PDE4B: variants seen among roughly 807,000 people sequenced by gnomAD.
PDE4B encodes the protein 3',5'-cyclic-AMP phosphodiesterase 4B.
Under a neutral mutation model 82.2 loss-of-function variants are expected in PDE4B, and 20 were observed. The ratio of observed to expected loss-of-function variants is 0.24; its 90% CI spans 0.17 to 0.35. The LOEUF (loss-of-function observed/expected upper bound fraction) is 0.35, where lower values mean the gene tolerates loss of function less well. Among genes scored for constraint, PDE4B ranks in the 10% least tolerant of loss-of-function variants. The pLI, the probability that PDE4B is intolerant of heterozygous loss-of-function variation, is 1.00. For missense variants in PDE4B, 655 were observed against 907.2 expected (o/e 0.72, Z 3.57); for synonymous variants, 320 against 318.9 (o/e 1.00, Z -0.04).
chr1:66,331,008 T>C (rs553162902), intron 7 of PDE4B, among the ~76,000 whole-genome samples: 5 of 152,332 alleles, frequency 3.3e-5, no homozygotes, highest in South Asian at 2.1e-4. Context: ...TATCTTGAAG[T>C]GTATGAATAT....
chr1:65,927,481 A>C (rs1349752995), intron 3 of PDE4B, among the ~76,000 whole-genome samples: 1 of 147,698 alleles, frequency 6.8e-6, no homozygotes, highest in Admixed American at 6.8e-5. Context: ...ATATGTAAAT[A>C]TATATAATAT....
intron 3 of PDE4B, among the ~76,000 whole-genome samples, chr1:65,920,033 C>T (rs1431894515): frequency 6.6e-6 from 1 of 152,182 alleles, no homozygotes; most frequent in African/African-American, 2.4e-5. Flanking sequence ...ATATAAGAGT[C>T]ATAGCCAATC....
intron 3 of PDE4B, among the ~76,000 whole-genome samples, chr1:66,185,610 C>T (rs59076622): frequency 6.6e-6 from 1 of 152,146 alleles, no homozygotes; most frequent in Admixed American, 6.5e-5. Flanking sequence ...AGCATTTTTT[C>T]ATGTGTTTTT....
intron 1 of PDE4B, among the ~76,000 whole-genome samples, chr1:65,885,551 G>A (rs1380035176): frequency 6.6e-5 from 10 of 152,060 alleles, no homozygotes; most frequent in Admixed American, 3.3e-4. Flanking sequence ...ATGAGTTCAC[G>A]TCCTTTGTAG....
Position 66,331,981 on chromosome 1 carries a change from C to T in PDE4B, c.635-527C>T, listed in dbSNP as rs985870955. ...ACACAATCCTCAGGATGAATGACTG[C>T]CTAGACTTTGAACGTAATGGTCAAC... On this transcript the variant is annotated intron_variant, in intron 7 of 16. Transcript: ENST00000341517. 12 of 1,023,834 alleles carry T rather than the reference C, an allele frequency of 1.2e-5. No individual in the cohort carries two copies. In the Admixed American group the frequency reaches 2.1e-4, roughly 18 times the overall value. The allele number at this position is 1,023,834 out of a possible 1,614,324, so 63.4% of individuals were successfully genotyped here. A position where few individuals can be genotyped will look rare whatever the true frequency, so the allele number is the denominator to read the frequency against.
At chr1:65,883,662 T>G (rs1436393917) in intron 1 of PDE4B, among the ~76,000 whole-genome samples, 1 of 152,174 alleles carries the variant, frequency 6.6e-6, no homozygotes, top group African/African-American at 2.4e-5. Context: ...TTCTCCTGCC[T>G]AATTGCCCTG....
At chr1:66,265,826 C>T (rs963693329) in intron 6 of PDE4B, among the ~76,000 whole-genome samples, 2 of 152,138 alleles carry the variant, frequency 1.3e-5, no homozygotes, top group African/African-American at 4.8e-5. Context: ...ATCCTGAGGA[C>T]TTGCAGAGGG....
chr1:66,172,634 A>G (rs1047818902), intron 3 of PDE4B, among the ~76,000 whole-genome samples: 2 of 152,174 alleles, frequency 1.3e-5, no homozygotes, highest in Non-Finnish European at 2.9e-5. Context: ...TGTGTTGATG[A>G]TAGTAATTCT....
At chr1:65,818,866 A>G (rs1645917892) in intron 1 of PDE4B, among the ~76,000 whole-genome samples, 1 of 152,174 alleles carries the variant, frequency 6.6e-6, no homozygotes, top group Admixed American at 6.5e-5. Flanking sequence ...CATAAGCTCA[A>G]CAAAGTCAGG....
At chr1:66,204,937 G>A (rs71649217) in intron 3 of PDE4B, among the ~76,000 whole-genome samples, 4,280 of 152,286 alleles carry the variant, frequency 0.028, 102 homozygotes, top group South Asian at 0.086. Context: ...CTTCTGTGTC[G>A]CTCATGCTGG....
chr1:66,331,954 G>GT lies in PDE4B; in HGVS notation c.635-554_635-553insT, dbSNP rs1353298173. On this transcript the variant is annotated intron_variant, in intron 7 of 16. Coordinates refer to ENST00000341517, the MANE Select transcript of PDE4B (RefSeq NM_002600.4). ...GCTGAATTAGAAGTTATTCCAACAT[G>GT]AACACAATCCTCAGGATGAATGACT... 4.0e-6 allele frequency: 4 copies of GT among 1,002,356 alleles called. No homozygotes were observed. The African/African-American group carries it at 7.0e-5, about 17-fold the overall frequency. 62.1% of individuals were successfully genotyped at this position (1,002,356 alleles called of 1,614,324 possible). A position where few individuals can be genotyped will look rare whatever the true frequency, so the allele number is the denominator to read the frequency against.
intron 3 of PDE4B, among the ~76,000 whole-genome samples, chr1:66,072,827 G>A (rs751903094): frequency 6.6e-6 from 1 of 151,966 alleles, no homozygotes; most frequent in African/African-American, 2.4e-5. Flanking sequence ...GATCAAAGTG[G>A]AACAAATAGA....
In PDE4B at chr1:66,290,422, T is replaced by C. The variant is rs114792735; in HGVS notation, c.634+24335T>C. Among the ~76,000 whole-genome samples, 704 of 152,318 alleles carry C rather than the reference T, an allele frequency of 4.6e-3. 6 individuals carry two copies. The highest frequency in any genetic ancestry group is 0.016 in the African/African-American group (670 of 41,574). ...CTTATGAGTAGGTTTGTACGTACACTGTATCAAAACTGAGAGAGTCTCATC... is the reference window on the plus strand; with the variant it reads ...CTTATGAGTAGGTTTGTACGTACACCGTATCAAAACTGAGAGAGTCTCATC... On this transcript the variant is annotated intron_variant, in intron 7 of 16. Coordinates refer to ENST00000341517, the MANE Select transcript of PDE4B (RefSeq NM_002600.4).
intron 2 of PDE4B, among the ~76,000 whole-genome samples, chr1:65,914,029 T>C (rs1163592577): frequency 6.6e-6 from 1 of 152,240 alleles, no homozygotes; most frequent in Non-Finnish European, 1.5e-5. Context: ...TTGCTTTCAA[T>C]TGACCAATCC....
At chr1:66,168,626 C>G (rs764790021) in intron 3 of PDE4B, among the ~76,000 whole-genome samples, 1 of 152,092 alleles carries the variant, frequency 6.6e-6, no homozygotes, top group Non-Finnish European at 1.5e-5. Context: ...TCTTGGAGAC[C>G]GTTGTAAGAA....
intron 7 of PDE4B, among the ~76,000 whole-genome samples, chr1:66,288,710 G>A (rs1656858875): frequency 6.6e-6 from 1 of 152,124 alleles, no homozygotes; most frequent in Non-Finnish European, 1.5e-5. Context: ...ATGGGGAAGA[G>A]CTTCATCAAG....
intron 3 of PDE4B, among the ~76,000 whole-genome samples, chr1:66,081,842 G>C (rs1418747832): frequency 1.3e-5 from 2 of 151,414 alleles, no homozygotes; most frequent in Non-Finnish European, 1.5e-5. Context: ...CTGTGTGTGT[G>C]TGTGTGTGTG....
At chr1:65,899,262 A>G (rs930700110) in intron 1 of PDE4B, among the ~76,000 whole-genome samples, 25 of 152,138 alleles carry the variant, frequency 1.6e-4, no homozygotes, top group African/African-American at 5.3e-4. Context: ...TAAAACCACA[A>G]TGTGATACCA....
At chr1:65,846,487 C>T (rs1207330177) in intron 1 of PDE4B, among the ~76,000 whole-genome samples, 1 of 152,130 alleles carries the variant, frequency 6.6e-6, no homozygotes, top group Non-Finnish European at 1.5e-5. Flanking sequence ...TAATAAAAAT[C>T]AAGTTTCAGT....
Sources: gnomAD v4.1 joint callset for allele counts (sites outside exome capture counted in the v4.1 genomes callset) on GRCh38, gnomAD v4.1.1 for gene constraint, MANE v1.5 for transcripts, NCBI Gene and HGNC (gene_info 2026-07-23, HGNC 2026-07-21) for gene names.